GNB1: variants seen among roughly 807,000 people sequenced by gnomAD.
GNB1 encodes the protein G protein subunit beta 1.
A neutral mutation model predicts 42.9 loss-of-function variants in GNB1; 2 were observed. The ratio of observed to expected loss-of-function variants is 0.05; its 90% confidence interval spans 0.02 to 0.15. GNB1 has a LOEUF of 0.15. Among genes scored for constraint, GNB1 ranks in the 10% least tolerant of loss-of-function variants. The pLI is 1.00. For synonymous variants in GNB1, 183 were observed against 174.7 expected, an observed-to-expected ratio of 1.05 and a Z score of -0.38; for missense variants, 193 against 462.2, an observed-to-expected ratio of 0.42 and a Z score of 5.34.
chr1:1,809,014 C>T (rs1455240497), intron 5 of GNB1, among the ~76,000 whole-genome samples: 1 of 152,114 alleles, frequency 6.6e-6, no homozygotes, highest in Admixed American at 6.6e-5. Context: ...TGGAGTAACG[C>T]TCTCTCAAGT....
intron 10 of GNB1, chr1:1,788,602 G>A (rs1557879189): frequency 5.7e-6 from 1 of 174,940 alleles, no homozygotes; most frequent in Non-Finnish European, 1.3e-5. Flanking sequence ...GTCTGTAAGT[G>A]TCAACAGTTC....
At chr1:1,876,434 C>T (rs942910253) in intron 1 of GNB1, among the ~76,000 whole-genome samples, 2 of 151,828 alleles carry the variant, frequency 1.3e-5, no homozygotes, top group African/African-American at 2.4e-5. Flanking sequence ...TACAGGTGTA[C>T]ACCATCAGGC....
chr1:1,845,600 A>T (rs1040970707), intron 1 of GNB1, among the ~76,000 whole-genome samples: 18 of 151,900 alleles, frequency 1.2e-4, no homozygotes, highest in Admixed American at 4.6e-4. Flanking sequence ...AATAAAATAA[A>T]AATAATAATA....
intron 8 of GNB1, among the ~76,000 whole-genome samples, chr1:1,792,419 C>T (rs1411151205): frequency 1.3e-5 from 2 of 152,060 alleles, no homozygotes; most frequent in East Asian, 1.9e-4. Context: ...CTATGTTGGC[C>T]AGGCATGGGG....
At chr1:1,841,514 G>A (rs558167817) in intron 1 of GNB1, among the ~76,000 whole-genome samples, 1 of 152,070 alleles carries the variant, frequency 6.6e-6, no homozygotes, top group African/African-American at 2.4e-5. Flanking sequence ...TTCTGTAATC[G>A]CTCCCTCAAA....
intron 8 of GNB1, among the ~76,000 whole-genome samples, chr1:1,792,495 G>C (rs1646494086): frequency 6.6e-6 from 1 of 151,868 alleles, no homozygotes; most frequent in Non-Finnish European, 1.5e-5. Flanking sequence ...CAACGGATAA[G>C]AGACCATCCT....
chr1:1,796,428 G>A (rs933561383), intron 7 of GNB1, among the ~76,000 whole-genome samples: 7 of 152,272 alleles, frequency 4.6e-5, no homozygotes, highest in African/African-American at 1.4e-4. Context: ...AGCTGAGGAA[G>A]AGTGAAAATT....
Position 1,819,486 on chromosome 1 carries a change from G to A in GNB1, c.58-1611C>T, listed in dbSNP as rs545017527. Among the ~76,000 whole-genome samples the A allele has an allele frequency of 3.6e-4, 54 of 152,018 alleles. 1 individual carries two copies. The highest frequency in any genetic ancestry group is 1.3e-3 in the African/African-American group (54 of 41,484). The stretch of plus-strand genomic sequence containing the variant: ...TCCGCTCATCTCAGCCTCCCAAAGT[G>A]CTGGGATTACAGGCGTGAGCCACCC... On this transcript the variant is annotated intron_variant, in intron 3 of 11. Coordinates refer to ENST00000378609, the MANE Select transcript of GNB1 (RefSeq NM_002074.5).
intron 1 of GNB1, among the ~76,000 whole-genome samples, chr1:1,876,574 G>C (rs1286028275): frequency 1.3e-5 from 2 of 151,944 alleles, no homozygotes; most frequent in African/African-American, 4.8e-5. Context: ...TGCAAAAATG[G>C]GGTCTCACTA....
At chr1:1,838,223 C>T (rs1451193443) in intron 2 of GNB1, among the ~76,000 whole-genome samples, 2 of 151,948 alleles carry the variant, frequency 1.3e-5, no homozygotes, top group Non-Finnish European at 2.9e-5. Flanking sequence ...AAAGAATATC[C>T]AATTGTTCCA....
intron 5 of GNB1, among the ~76,000 whole-genome samples, chr1:1,809,182 A>T (rs866881895): frequency 6.9e-6 from 1 of 144,500 alleles, no homozygotes; most frequent in African/African-American, 2.5e-5. Context: ...ATTATTTTTC[A>T]GATGCAATTT....
intron 1 of GNB1, among the ~76,000 whole-genome samples, chr1:1,888,367 C>CAAA (rs755158256): frequency 5.9e-5 from 7 of 118,198 alleles, no homozygotes; most frequent in East Asian, 2.5e-4. Flanking sequence ...CTCTCAATCT[C>CAAA]AAAAAAAAAA....
intron 1 of GNB1, among the ~76,000 whole-genome samples, chr1:1,874,783 C>A (rs1487297905): frequency 6.6e-6 from 1 of 151,648 alleles, no homozygotes; most frequent in Non-Finnish European, 1.5e-5. Context: ...AAGAGTGACA[C>A]CCTGTCTCAA....
intron 1 of GNB1, among the ~76,000 whole-genome samples, chr1:1,878,341 G>A (rs1336911552): frequency 1.3e-5 from 2 of 152,300 alleles, no homozygotes; most frequent in East Asian, 3.9e-4. Context: ...AAACCTTCAA[G>A]TACCTCTCCC....
intron 10 of GNB1, 58 bp downstream of exon 10, chr1:1,788,995 G>C: frequency 8.2e-7 from 1 of 1,216,794 alleles, no homozygotes; most frequent in Non-Finnish European, 1.2e-6. Flanking sequence ...CTCTGTGTTT[G>C]CTCTAAAGAT....
intron 1 of GNB1, among the ~76,000 whole-genome samples, chr1:1,876,492 C>CGAGAGAGACAGA (rs1649550271): frequency 6.8e-6 from 1 of 147,832 alleles, no homozygotes; most frequent in Non-Finnish European, 1.5e-5. Context: ...CATGTGCACA[C>CGAGAGAGACAGA]GAGAGAGAGA....
At chr1:1,869,001 G>A (rs1047781956) in intron 1 of GNB1, among the ~76,000 whole-genome samples, 19 of 151,078 alleles carry the variant, frequency 1.3e-4, no homozygotes, top group African/African-American at 3.4e-4. Context: ...TGGCTAACAA[G>A]GTGAAACCCC....
At chr1:1,811,675 G>A (rs1273594030) in intron 5 of GNB1, among the ~76,000 whole-genome samples, 4 of 151,838 alleles carry the variant, frequency 2.6e-5, no homozygotes, top group Non-Finnish European at 4.4e-5. Context: ...TAGCCTGGGC[G>A]ACAGTGAGAC....
rs1557960594 is a variant in GNB1 at position 1,890,804 on chromosome 1, G to A, written c.-96+16C>T. 2 of 148,392 alleles carry A rather than the reference G, an allele frequency of 1.3e-5. No homozygotes were observed. Among genetic ancestry groups the A allele is most frequent in the Admixed American group, 1.3e-4 (2 of 14,964 alleles). 9.2% of individuals were successfully genotyped at this position (148,392 alleles called of 1,614,324 possible). A position where few individuals can be genotyped will look rare whatever the true frequency, so the allele number is the denominator to read the frequency against. On this transcript the variant is annotated intron_variant, in intron 1 of 11. Coordinates refer to ENST00000378609, the MANE Select transcript of GNB1 (RefSeq NM_002074.5). The stretch of plus-strand genomic sequence containing the variant: ...GAACAGGACCCGGGTCCGGGGCTGG[G>A]GGCTGCCGCGCTCACCTCAGCGCCC...
Sources: gnomAD v4.1 joint callset for allele counts (sites outside exome capture counted in the v4.1 genomes callset) on GRCh38, gnomAD v4.1.1 for gene constraint, MANE v1.5 for transcripts, NCBI Gene and HGNC (gene_info 2026-07-23, HGNC 2026-07-21) for gene names.